MEF2A: variants seen among roughly 807,000 people sequenced by gnomAD.
MEF2A encodes myocyte-specific enhancer factor 2A.
In MEF2A, 28 loss-of-function variants were observed where a neutral mutation model predicts 55.8. The observed-to-expected ratio is 0.50, with a 90% CI of 0.37 to 0.69. MEF2A has a LOEUF of 0.69. MEF2A is among the 30% of genes least tolerant of loss of function. The pLI, the probability that MEF2A is intolerant of heterozygous loss-of-function variation, is 0.00. For missense variants in MEF2A, 528 were observed against 626.2 expected (o/e 0.84, Z 1.67); for synonymous variants, 239 against 227.1 (o/e 1.05, Z -0.47).
At chr15:99,586,335 A>G (rs1441009050) in intron 1 of MEF2A, among the ~76,000 whole-genome samples, 2 of 152,134 alleles carry the variant, frequency 1.3e-5, no homozygotes, top group Non-Finnish European at 2.9e-5. Context: ...ATCTTCACCA[A>G]CACTTTGCAT....
At chr15:99,648,271 T>G (rs1404688865) in intron 4 of MEF2A, among the ~76,000 whole-genome samples, 1 of 152,104 alleles carries the variant, frequency 6.6e-6, no homozygotes, top group Non-Finnish European at 1.5e-5. Flanking sequence ...TTGACAAAGA[T>G]TTGAGGGGGT....
intron 4 of MEF2A, among the ~76,000 whole-genome samples, chr15:99,654,649 A>G (rs1192238879): frequency 1.3e-5 from 2 of 152,152 alleles, no homozygotes; most frequent in Non-Finnish European, 2.9e-5. Flanking sequence ...GCTGTGTTCA[A>G]GCGGGCTCCA....
chr15:99,686,376 T>C (rs1336787101), intron 7 of MEF2A, among the ~76,000 whole-genome samples: 6 of 152,230 alleles, frequency 3.9e-5, no homozygotes, highest in African/African-American at 2.4e-5. Flanking sequence ...TTTCAAGATT[T>C]AGAACTCCTT....
intron 2 of MEF2A, among the ~76,000 whole-genome samples, chr15:99,614,407 C>G (rs2039853621): frequency 6.6e-6 from 1 of 152,080 alleles, no homozygotes; most frequent in Non-Finnish European, 1.5e-5. Context: ...ACTTATAACT[C>G]CAAAAAATTG....
intron 1 of MEF2A, among the ~76,000 whole-genome samples, chr15:99,594,764 T>A (rs1295262579): frequency 2.0e-5 from 3 of 150,208 alleles, no homozygotes; most frequent in African/African-American, 7.6e-5. Context: ...CTGTGTGATT[T>A]GTGTGATATT....
At chr15:99,637,318 G>T (rs913973742) in intron 3 of MEF2A, among the ~76,000 whole-genome samples, 4 of 152,096 alleles carry the variant, frequency 2.6e-5, no homozygotes, top group Admixed American at 2.6e-4. Context: ...GAACATGTTT[G>T]TATTTCATTT....
chr15:99,635,202 G>A (rs1042692813), intron 3 of MEF2A, among the ~76,000 whole-genome samples: 1 of 152,166 alleles, frequency 6.6e-6, no homozygotes, highest in Non-Finnish European at 1.5e-5. Flanking sequence ...AGAAGAAACC[G>A]CTAACTTCTG....
At chr15:99,585,200 C>T (rs964080258) in intron 1 of MEF2A, among the ~76,000 whole-genome samples, 2 of 152,114 alleles carry the variant, frequency 1.3e-5, no homozygotes, top group Admixed American at 1.3e-4. Flanking sequence ...CAGATGCTTT[C>T]CTATTTTCAG....
chr15:99,627,419 C>CAAAAAAAAAAA lies in MEF2A; in HGVS notation c.-142-5538_-142-5528dup, dbSNP rs139658538. Among the ~76,000 whole-genome samples, 8 of 43,056 alleles carry CAAAAAAAAAAA rather than the reference C, an allele frequency of 1.9e-4. 1 individual carries two copies. Among genetic ancestry groups the CAAAAAAAAAAA allele is most frequent in the African/African-American group, 8.8e-4 (8 of 9,132 alleles). 28.2% of individuals were successfully genotyped at this position (43,056 alleles called of 152,430 possible). A position where few individuals can be genotyped will look rare whatever the true frequency, so the allele number is the denominator to read the frequency against. ...TGGGCGACAGAGTGAGACTTTATCT[C>CAAAAAAAAAAA]AAAAAAAAAAAAAAAAAAAAAAAAA... On this transcript the variant is annotated intron_variant, in intron 2 of 11. Coordinates refer to ENST00000557942, the MANE Select transcript of MEF2A (RefSeq NM_001319206.4).
chr15:99,665,524 A>G (rs2049451156), intron 4 of MEF2A, among the ~76,000 whole-genome samples: 1 of 152,282 alleles, frequency 6.6e-6, no homozygotes, highest in African/African-American at 2.4e-5. Flanking sequence ...AGGCATGGGC[A>G]AAGATTTCAT....
At chr15:99,583,769 C>T (rs1966586958) in intron 1 of MEF2A, among the ~76,000 whole-genome samples, 1 of 152,068 alleles carries the variant, frequency 6.6e-6, no homozygotes, top group Non-Finnish European at 1.5e-5. Context: ...TGGAAACTTT[C>T]AGTATGGTTA....
intron 2 of MEF2A, among the ~76,000 whole-genome samples, chr15:99,622,635 C>A (rs1309828583): frequency 6.6e-6 from 1 of 151,486 alleles, no homozygotes. Flanking sequence ...AGGTTAGTGG[C>A]ATTAAATAAA....
intron 4 of MEF2A, among the ~76,000 whole-genome samples, chr15:99,658,018 A>G (rs1038731632): frequency 6.6e-6 from 1 of 152,148 alleles, no homozygotes; most frequent in African/African-American, 2.4e-5. Context: ...TCTCTTTCAA[A>G]TAACCTTTCA....
intron 7 of MEF2A, among the ~76,000 whole-genome samples, chr15:99,680,988 G>C (rs2053143905): frequency 1.3e-5 from 2 of 152,080 alleles, no homozygotes; most frequent in Admixed American, 1.3e-4. Context: ...GAGGTAATTT[G>C]CTTATTTGTT....
At chr15:99,582,311 G>C (rs983645632) in intron 1 of MEF2A, among the ~76,000 whole-genome samples, 1 of 152,028 alleles carries the variant, frequency 6.6e-6, no homozygotes, top group African/African-American at 2.4e-5. Context: ...CACAGCTTTC[G>C]AGTGGAAGAT....
intron 3 of MEF2A, among the ~76,000 whole-genome samples, chr15:99,642,527 A>T (rs1391735999): frequency 6.6e-6 from 1 of 151,674 alleles, no homozygotes; most frequent in African/African-American, 2.4e-5. Flanking sequence ...CTCTGTTATG[A>T]TTTGATTTTT....
At chr15:99,612,989 A>G (rs980114232) in intron 2 of MEF2A, among the ~76,000 whole-genome samples, 7 of 152,264 alleles carry the variant, frequency 4.6e-5, no homozygotes, top group Middle Eastern at 3.4e-3. Flanking sequence ...CTCTATGGAA[A>G]TGAAGGCCAT....
At position 99,706,625 on chromosome 15, in the gene MEF2A, GACAT is replaced by G. The variant is rs1237270912; in HGVS notation, c.883-103_883-100del. On this transcript the variant is annotated intron_variant, in intron 9 of 11. Transcript: ENST00000557942. Reference sequence around the variant, plus strand: ...TCACATCATCAGTGCTTCAGAAAATGACATTCATATGAAACTGTGAAAAATGTCA... The same window carrying G: ...TCACATCATCAGTGCTTCAGAAAATGTCATATGAAACTGTGAAAAATGTCA... 4 of 1,279,434 alleles carry G rather than the reference GACAT, an allele frequency of 3.1e-6. No individual in the cohort carries two copies. In the East Asian group the frequency reaches 7.1e-5, roughly 23 times the overall value. 79.3% of individuals were successfully genotyped at this position (1,279,434 alleles called of 1,614,324 possible).
intron 8 of MEF2A, among the ~76,000 whole-genome samples, chr15:99,702,434 T>TC: frequency 6.6e-6 from 1 of 150,804 alleles, no homozygotes; most frequent in Non-Finnish European, 1.5e-5. Context: ...TGTTTCTTTT[T>TC]TTTTTTTTTT....
Sources: allele counts gnomAD v4.1 joint callset (sites outside exome capture counted in the v4.1 genomes callset), GRCh38; gene constraint gnomAD v4.1.1; transcripts MANE v1.5; gene names NCBI Gene and HGNC (gene_info 2026-07-23, HGNC 2026-07-21).